The following RBFOX1 variants were observed in gnomAD, a reference collection of about 807,000 sequenced individuals.
The protein encoded by RBFOX1 is RNA binding protein fox-1 homolog 1.
A neutral mutation model predicts 57.7 loss-of-function variants in RBFOX1; 8 were observed. That is an observed-to-expected ratio of 0.14 (90% CI 0.08 to 0.25). The LOEUF (loss-of-function observed/expected upper bound fraction) is 0.25. Ranked by LOEUF, RBFOX1 falls within the 10% of genes least tolerant of loss-of-function variation. RBFOX1 has a pLI of 1.00. For synonymous variants in RBFOX1, 326 were observed against 222.4 expected (o/e 1.47, Z -4.15); for missense variants, 611 against 548.5 (o/e 1.11, Z -1.14).
intron 2 of RBFOX1, among the ~76,000 whole-genome samples, chr16:6,544,373 A>C (rs992646452): frequency 1.1e-4 from 17 of 152,168 alleles, no homozygotes; most frequent in Non-Finnish European, 2.5e-4. Context: ...CCCTCTTGCA[A>C]TCTGAGGAAC....
At chr16:6,760,963 T>G (rs1441284126) in intron 3 of RBFOX1, among the ~76,000 whole-genome samples, 1 of 152,190 alleles carries the variant, frequency 6.6e-6, no homozygotes, top group Non-Finnish European at 1.5e-5. Flanking sequence ...GGAGAGATCT[T>G]CTTAGCTCTC....
At chr16:7,251,572 A>G (rs1368392904) in intron 4 of RBFOX1, among the ~76,000 whole-genome samples, 2 of 151,910 alleles carry the variant, frequency 1.3e-5, no homozygotes, top group Non-Finnish European at 2.9e-5. Context: ...CCTCGCCGCC[A>G]TCAAGCCCAG....
intron 14 of RBFOX1, among the ~76,000 whole-genome samples, chr16:7,693,844 C>G (rs568515194): frequency 1.2e-4 from 19 of 152,172 alleles, no homozygotes; most frequent in Non-Finnish European, 1.9e-4. Context: ...ATATAATTAT[C>G]TCTGTCTTAT....
intron 3 of RBFOX1, among the ~76,000 whole-genome samples, chr16:5,701,880 C>A (rs74497177): frequency 6.6e-6 from 1 of 152,180 alleles, no homozygotes; most frequent in Non-Finnish European, 1.5e-5. Flanking sequence ...GTCTTAACTT[C>A]GTAATTTATT....
At chr16:6,740,361 G>A (rs887219601) in intron 3 of RBFOX1, among the ~76,000 whole-genome samples, 4 of 152,088 alleles carry the variant, frequency 2.6e-5, no homozygotes, top group Admixed American at 1.3e-4. Context: ...AGACACCACT[G>A]CTATTCAACA....
intron 3 of RBFOX1, among the ~76,000 whole-genome samples, chr16:6,851,906 G>A (rs553818457): frequency 1.4e-4 from 21 of 150,534 alleles, no homozygotes; most frequent in Non-Finnish European, 2.8e-4. Context: ...TGGAGAGTAC[G>A]GTGTATTAGT....
chr16:5,810,107 C>G, intron 3 of RBFOX1, among the ~76,000 whole-genome samples: 1 of 149,432 alleles, frequency 6.7e-6, no homozygotes, highest in African/African-American at 2.5e-5. Context: ...TTCTCACTCA[C>G]AGGTGGGAAT....
At chr16:6,267,253 A>G (rs2074622981) in intron 1 of RBFOX1, among the ~76,000 whole-genome samples, 2 of 152,226 alleles carry the variant, frequency 1.3e-5, no homozygotes. Context: ...AAAAACTGTC[A>G]GAGATATTAA....
chr16:7,454,744 T>A (rs929480860), intron 4 of RBFOX1, among the ~76,000 whole-genome samples: 2 of 152,348 alleles, frequency 1.3e-5, no homozygotes, highest in East Asian at 1.9e-4. Flanking sequence ...TGTATACATT[T>A]CTACCATGAA....
In RBFOX1 at chr16:6,887,469, A is replaced by G. The variant is rs543609897; in HGVS notation, c.-15-164588A>G. ...ATGATCATTTTCTAAACTTCGCATC[A>G]TGTTTTCTGGCTTTTTCTATCCCTG... On this transcript the variant is annotated intron_variant, in intron 3 of 15. Coordinates refer to ENST00000550418, the MANE Select transcript of RBFOX1 (RefSeq NM_018723.4). Among the ~76,000 whole-genome samples, 56 of 152,220 alleles carry G rather than the reference A, an allele frequency of 3.7e-4. 1 individual carries two copies. Among genetic ancestry groups the G allele is most frequent in the African/African-American group, 1.2e-3 (50 of 41,528 alleles).
chr16:7,202,604 C>T (rs13333656), intron 4 of RBFOX1, among the ~76,000 whole-genome samples: 6,820 of 152,258 alleles, frequency 0.045, 488 homozygotes, highest in African/African-American at 0.16. Flanking sequence ...TCTGTATTTA[C>T]AGCCACTCCT....
rs183110741 is a variant in RBFOX1, at chr16:6,410,274, G to C, written c.-64+93217G>C. 7.0e-4 allele frequency among the ~76,000 whole-genome samples: 104 copies of C among 149,454 alleles called. 1 individual carries two copies. Among genetic ancestry groups the C allele is most frequent in the African/African-American group, 2.5e-3 (99 of 40,400 alleles). On this transcript the variant is annotated intron_variant, in intron 2 of 15. Transcript: ENST00000550418. ...ATCCAAAGGTAGCCTTCTCCTTGGGGTGTCCTGCTGAAACGATGACCTAGG... is the reference window on the plus strand; with the variant it reads ...ATCCAAAGGTAGCCTTCTCCTTGGGCTGTCCTGCTGAAACGATGACCTAGG...
chr16:7,662,117 CG>C lies in RBFOX1; in HGVS notation c.891-2811del, dbSNP rs1288603303. On this transcript the variant is annotated intron_variant, in intron 12 of 15. Coordinates refer to ENST00000550418, the MANE Select transcript of RBFOX1 (RefSeq NM_018723.4). ...TGGCCCACACCCATGCCATGTGCCC[CG>C]TTGGAACAGCCTCCAAGGCCTGGGA... Among the ~76,000 whole-genome samples the C allele has an allele frequency of 5.3e-5, 8 of 152,268 alleles. No individual in the cohort carries two copies. In the East Asian group the frequency reaches 1.5e-3, roughly 29 times the overall value.
chr16:7,128,832 T>C (rs1007085018), intron 4 of RBFOX1, among the ~76,000 whole-genome samples: 1 of 149,820 alleles, frequency 6.7e-6, no homozygotes, highest in African/African-American at 2.5e-5. Flanking sequence ...TTTTTTTTTT[T>C]TTTTTTTAAG....
chr16:7,384,075 C>G (rs1486639901), intron 4 of RBFOX1, among the ~76,000 whole-genome samples: 1 of 151,202 alleles, frequency 6.6e-6, no homozygotes, highest in Non-Finnish European at 1.5e-5. Context: ...AAAAGTATCC[C>G]AAGTATGAGA....
At chr16:7,463,540 A>T (rs1292121226) in intron 4 of RBFOX1, among the ~76,000 whole-genome samples, 1 of 152,188 alleles carries the variant, frequency 6.6e-6, no homozygotes, top group African/African-American at 2.4e-5. Context: ...CCATCAACAG[A>T]GTCCTACCCT....
chr16:6,785,259 T>C (rs561668353), intron 3 of RBFOX1, among the ~76,000 whole-genome samples: 16 of 152,188 alleles, frequency 1.1e-4, no homozygotes. Flanking sequence ...TAAGAGTTTA[T>C]GCAAAACAAG....
intron 2 of RBFOX1, among the ~76,000 whole-genome samples, chr16:6,331,482 G>A (rs1266780433): frequency 2.0e-5 from 3 of 151,714 alleles, no homozygotes; most frequent in Admixed American, 6.6e-5. Flanking sequence ...TAGAATAGGG[G>A]TGAGTTGTGG....
chr16:5,853,835 A>G (rs1282251194), intron 3 of RBFOX1, among the ~76,000 whole-genome samples: 1 of 152,114 alleles, frequency 6.6e-6, no homozygotes, highest in East Asian at 1.9e-4. Flanking sequence ...AACTCACTGC[A>G]GCCTTGAACT....
Sources: gnomAD v4.1 joint callset for allele counts (sites outside exome capture counted in the v4.1 genomes callset) on GRCh38, gnomAD v4.1.1 for gene constraint, MANE v1.5 for transcripts, NCBI Gene and HGNC (gene_info 2026-07-23, HGNC 2026-07-21) for gene names.